Variants in SPIDR observed in about 807,000 individuals in gnomAD.
SPIDR encodes the protein DNA repair-scaffolding protein.
Under a neutral mutation model 104.6 loss-of-function variants are expected in SPIDR, and 93 were observed. The ratio of observed to expected loss-of-function variants is 0.89; its 90% CI spans 0.75 to 1.06. The LOEUF (loss-of-function observed/expected upper bound fraction) is 1.06, where lower values mean the gene tolerates loss of function less well. SPIDR is among the 50% of genes least tolerant of loss of function. The pLI is 0.00. For synonymous variants in SPIDR, 431 were observed against 416.9 expected (o/e 1.03, Z -0.41); for missense variants, 1,154 against 1,111.2 (o/e 1.04, Z -0.55).
intron 8 of SPIDR, among the ~76,000 whole-genome samples, chr8:47,528,895 T>C (rs2085460434): frequency 6.6e-6 from 1 of 152,118 alleles, no homozygotes; most frequent in African/African-American, 2.4e-5. Flanking sequence ...TTTTTCCAAA[T>C]TAATGATAGG....
chr8:47,429,618 TCA>T (rs140325481), intron 7 of SPIDR, among the ~76,000 whole-genome samples: 3,968 of 152,272 alleles, frequency 0.026, 130 homozygotes, highest in African/African-American at 0.083. Flanking sequence ...CAACATGGCA[TCA>T]CAGAGTGCAG....
chr8:47,691,994 G>A (rs1327952204), intron 11 of SPIDR, among the ~76,000 whole-genome samples: 1 of 152,174 alleles, frequency 6.6e-6, no homozygotes, highest in African/African-American at 2.4e-5. Flanking sequence ...TGGAAGCTTT[G>A]AGATTAGTTT....
At chr8:47,604,558 T>C (rs1588291644) in intron 10 of SPIDR, among the ~76,000 whole-genome samples, 2 of 152,166 alleles carry the variant, frequency 1.3e-5, no homozygotes, top group Non-Finnish European at 2.9e-5. Context: ...GACTGGTGGG[T>C]TCCTGAGTCT....
chr8:47,712,861 T>TC lies in SPIDR; in HGVS notation c.2179dup (p.Arg727ProfsTer2). 1 of 1,614,042 alleles carries TC rather than the reference T, an allele frequency of 6.2e-7. No homozygotes were observed. The highest frequency in any genetic ancestry group is 8.5e-7 in the Non-Finnish European group (1 of 1,180,040). On this transcript the variant is annotated frameshift_variant, in exon 15 of 20. Transcript: ENST00000297423. LOFTEE classifies it high-confidence loss of function. ...CACAGCCTCTTCTTCAAGGACGCTC[T>TC]CCGTGACCAGGGTGTGCTTGCGTCT...
In SPIDR at chr8:47,549,798, C is replaced by T. The variant is rs138572714; in HGVS notation, c.1098-46013C>T. ...GACCCCATTTGTCAATTTTGGCTTT[C>T]GTTGCCATTGCTTTGGGTGTTTTAG... is the stretch of plus-strand genomic sequence containing the variant. On this transcript the variant is annotated intron_variant, in intron 8 of 19. Transcript: ENST00000297423. Among the ~76,000 whole-genome samples, 1,414 of 152,214 alleles carry T rather than the reference C, an allele frequency of 9.3e-3. 22 individuals are homozygous for T. The highest frequency in any genetic ancestry group is 0.031 in the African/African-American group (1,297 of 41,546).
chr8:47,289,554 C>T (rs1489167473), intron 3 of SPIDR, among the ~76,000 whole-genome samples: 3 of 152,032 alleles, frequency 2.0e-5, no homozygotes, highest in African/African-American at 7.2e-5. Context: ...GAAATAGCCC[C>T]ATTCTGTCAG....
intron 5 of SPIDR, among the ~76,000 whole-genome samples, chr8:47,329,220 G>A (rs1006890067): frequency 1.3e-5 from 2 of 151,906 alleles, no homozygotes; most frequent in Non-Finnish European, 1.5e-5. Context: ...ACAGGCACCC[G>A]CCACCACGCC....
chr8:47,605,643 A>G (rs2062842498), intron 10 of SPIDR, among the ~76,000 whole-genome samples: 1 of 152,180 alleles, frequency 6.6e-6, no homozygotes, highest in African/African-American at 2.4e-5. Context: ...TTTAGCAGGG[A>G]GACTGGGGCA....
At chr8:47,372,423 G>C (rs1004549809) in intron 5 of SPIDR, among the ~76,000 whole-genome samples, 3 of 151,980 alleles carry the variant, frequency 2.0e-5, no homozygotes, top group Non-Finnish European at 4.4e-5. Context: ...TGAGGAGTTC[G>C]AGACCAGCCT....
At chr8:47,595,737 A>G in intron 8 of SPIDR, 74 bp from the exon 9 acceptor site, 3 of 1,437,568 alleles carry the variant, frequency 2.1e-6, no homozygotes, top group Non-Finnish European at 2.9e-6. Context: ...TGCTCTTTGC[A>G]TTCCTGATTT....
chr8:47,627,702 G>A (rs2066411041), intron 10 of SPIDR, among the ~76,000 whole-genome samples: 1 of 151,778 alleles, frequency 6.6e-6, no homozygotes. Flanking sequence ...CTGGCCCCCA[G>A]CACCCCCATC....
intron 5 of SPIDR, among the ~76,000 whole-genome samples, chr8:47,391,902 A>G (rs2060626075): frequency 1.3e-5 from 2 of 150,728 alleles, no homozygotes; most frequent in African/African-American, 4.9e-5. Context: ...AGGCTGAGGC[A>G]GGAGAACGGC....
At chr8:47,436,777 C>G (rs2068409520) in intron 7 of SPIDR, among the ~76,000 whole-genome samples, 1 of 152,148 alleles carries the variant, frequency 6.6e-6, no homozygotes, top group African/African-American at 2.4e-5. Context: ...TAAGTCGTCC[C>G]TTGCTTTTTT....
intron 11 of SPIDR, among the ~76,000 whole-genome samples, chr8:47,680,197 A>G (rs940746666): frequency 6.6e-6 from 1 of 152,200 alleles, no homozygotes; most frequent in Non-Finnish European, 1.5e-5. Context: ...GTGAGTGTTC[A>G]TTATGAATTT....
At chr8:47,481,194 A>G (rs570579658) in intron 8 of SPIDR, among the ~76,000 whole-genome samples, 53 of 152,354 alleles carry the variant, frequency 3.5e-4, no homozygotes, top group Middle Eastern at 6.8e-3. Flanking sequence ...TATGACTGCT[A>G]TAAGGTGTAA....
In SPIDR at chr8:47,284,080, C is replaced by T. The variant is rs1171951921; in HGVS notation, c.242C>T (p.Pro81Leu). Residue 81 changes from proline to leucine, a missense_variant, in exon 3 of 20, where the codon CCT (proline) becomes CTT (leucine). Pro to Leu is a moderately conservative substitution (Grantham distance 98). Transcript: ENST00000297423. ...ACAGAAAAGCACCTTGAATTATGCC[C>T]TAGACCCAAGCAAGGTAACTATTTT... ...TITEKHLELCPRPKQETTTSK... is the reference protein window; with the variant it reads ...TITEKHLELCLRPKQETTTSK... 9.9e-6 allele frequency: 16 copies of T among 1,611,064 alleles called. No homozygotes were observed. The highest frequency in any genetic ancestry group is 1.4e-5 in the Non-Finnish European group (16 of 1,178,694).
At chr8:47,582,259 A>C (rs970219688) in intron 8 of SPIDR, among the ~76,000 whole-genome samples, 1 of 151,952 alleles carries the variant, frequency 6.6e-6, no homozygotes, top group African/African-American at 2.4e-5. Context: ...AGGTAGTTAT[A>C]GTAATCTACA....
intron 7 of SPIDR, among the ~76,000 whole-genome samples, chr8:47,436,849 G>A (rs1253008563): frequency 5.3e-5 from 8 of 152,152 alleles, no homozygotes; most frequent in African/African-American, 1.9e-4. Flanking sequence ...AGGCCCTGGA[G>A]GATGTTTTGT....
chr8:47,455,067 A>G (rs191861002), intron 8 of SPIDR, among the ~76,000 whole-genome samples: 1 of 152,296 alleles, frequency 6.6e-6, no homozygotes, highest in Admixed American at 6.5e-5. Flanking sequence ...TGGTCAAGGT[A>G]GTTGCATAGG....
Sources: allele counts gnomAD v4.1 joint callset (sites outside exome capture counted in the v4.1 genomes callset), GRCh38; gene constraint gnomAD v4.1.1; transcripts MANE v1.5; gene names NCBI Gene and HGNC (gene_info 2026-07-23, HGNC 2026-07-21).